The following CNTN5 variants were observed in gnomAD, a reference collection of about 807,000 sequenced individuals.
CNTN5 encodes the protein contactin 5.
A neutral mutation model predicts 129.1 loss-of-function variants in CNTN5; 77 were observed. That is an observed-to-expected ratio of 0.60 (90% CI 0.50 to 0.72). The LOEUF (loss-of-function observed/expected upper bound fraction) is 0.72, where lower values mean the gene tolerates loss of function less well. Ranked by LOEUF, CNTN5 falls within the 30% of genes least tolerant of loss-of-function variation. The probability of loss-of-function intolerance (pLI) is 0.00; values close to 1 mark genes in which losing one functional copy is unlikely to be tolerated. For missense variants in CNTN5, 1,478 were observed against 1,328.8 expected, an observed-to-expected ratio of 1.11 and a Z score of -1.75; for synonymous variants, 509 against 465.6, an observed-to-expected ratio of 1.09 and a Z score of -1.20.
chr11:99,504,860 C>A (rs1316948824), intron 2 of CNTN5, among the ~76,000 whole-genome samples: 1 of 152,130 alleles, frequency 6.6e-6, no homozygotes, highest in African/African-American at 2.4e-5. Flanking sequence ...CCTTAACAGA[C>A]CACAACTTCT....
intron 1 of CNTN5, among the ~76,000 whole-genome samples, chr11:99,085,116 C>T (rs1865951707): frequency 6.6e-6 from 1 of 151,744 alleles, no homozygotes; most frequent in Non-Finnish European, 1.5e-5. Context: ...ATAATCTCTG[C>T]TCACTGCAAC....
At chr11:99,787,088 ATG>A (rs150175544) in intron 3 of CNTN5, among the ~76,000 whole-genome samples, 1,632 of 40,176 alleles carry the variant, frequency 0.041, 57 homozygotes, top group East Asian at 0.22. Flanking sequence ...CTGAAACTAC[ATG>A]TTTTTTTTTT....
At chr11:99,088,277 A>G (rs1195044711) in intron 1 of CNTN5, among the ~76,000 whole-genome samples, 1 of 152,152 alleles carries the variant, frequency 6.6e-6, no homozygotes, top group Non-Finnish European at 1.5e-5. Flanking sequence ...AGTGCTGATA[A>G]TGGGGTCTTT....
At chr11:99,842,904 A>G (rs1947559406) in intron 4 of CNTN5, among the ~76,000 whole-genome samples, 1 of 152,146 alleles carries the variant, frequency 6.6e-6, no homozygotes, top group Non-Finnish European at 1.5e-5. Context: ...TATTCTGGTT[A>G]TTTTGGTGTA....
intron 21 of CNTN5, among the ~76,000 whole-genome samples, chr11:100,333,614 A>G (rs1310165406): frequency 6.6e-6 from 1 of 152,114 alleles, no homozygotes; most frequent in East Asian, 1.9e-4. Flanking sequence ...CAGAATAGAG[A>G]ACCCAGAAAT....
chr11:99,987,553 A>T (rs947400545), intron 8 of CNTN5, among the ~76,000 whole-genome samples: 1 of 151,058 alleles, frequency 6.6e-6, no homozygotes, highest in Admixed American at 6.6e-5. Flanking sequence ...ACACATACAC[A>T]CACACACATA....
rs529896625 is a variant in CNTN5 at position 99,708,449 on chromosome 11, G to A, written c.56-111095G>A. Among the ~76,000 whole-genome samples the A allele has an allele frequency of 1.7e-3, 251 of 151,822 alleles. 1 individual carries two copies. The highest frequency in any genetic ancestry group is 5.7e-3 in the African/African-American group (235 of 41,482). ...CAGTCAATCAGTCAACATGAAACTG[G>A]AAGATTCAAAGACCAAAGTAAATAA... On this transcript the variant is annotated intron_variant, in intron 3 of 24. Transcript: ENST00000524871.
At chr11:99,069,409 C>G (rs1028836612) in intron 1 of CNTN5, among the ~76,000 whole-genome samples, 2 of 151,814 alleles carry the variant, frequency 1.3e-5, no homozygotes, top group Non-Finnish European at 2.9e-5. Flanking sequence ...AAAAATATAC[C>G]CTGCTTCAAT....
chr11:99,440,389 A>G (rs1252701230), intron 2 of CNTN5, among the ~76,000 whole-genome samples: 3 of 148,134 alleles, frequency 2.0e-5, no homozygotes, highest in Admixed American at 1.3e-4. Context: ...TGTTTATTTG[A>G]TTTGACCTCC....
chr11:99,893,440 AG>A (rs1379172181), intron 6 of CNTN5, among the ~76,000 whole-genome samples: 4 of 152,162 alleles, frequency 2.6e-5, no homozygotes, highest in African/African-American at 9.7e-5. Flanking sequence ...TAGAAAAAAA[AG>A]TTTGCGTTCA....
chr11:99,972,084 T>TAA (rs1491480540), intron 8 of CNTN5, among the ~76,000 whole-genome samples: 1 of 37,770 alleles, frequency 2.6e-5, no homozygotes, highest in African/African-American at 1.4e-4. Flanking sequence ...CTTATCTCTA[T>TAA]TAAAAAAAAA....
intron 2 of CNTN5, among the ~76,000 whole-genome samples, chr11:99,413,474 C>A (rs1192243083): frequency 6.6e-6 from 1 of 151,930 alleles, no homozygotes; most frequent in African/African-American, 2.4e-5. Flanking sequence ...CAAAAATTAG[C>A]CAGGTGTGGT....
chr11:99,311,597 C>G (rs1239219556), intron 1 of CNTN5, among the ~76,000 whole-genome samples: 1 of 152,118 alleles, frequency 6.6e-6, no homozygotes, highest in Non-Finnish European at 1.5e-5. Flanking sequence ...TGTTATTAAA[C>G]CAAATGCTCT....
intron 1 of CNTN5, among the ~76,000 whole-genome samples, chr11:99,113,341 T>C (rs1020640155): frequency 2.0e-5 from 3 of 152,228 alleles, no homozygotes; most frequent in South Asian, 2.1e-4. Context: ...ATATGAGTTG[T>C]CTTGAAAGCA....
intron 3 of CNTN5, among the ~76,000 whole-genome samples, chr11:99,720,662 G>A (rs992452095): frequency 3.9e-5 from 6 of 151,976 alleles, no homozygotes; most frequent in African/African-American, 1.4e-4. Context: ...GATCAATCAG[G>A]CAAGACAAAT....
At chr11:99,798,049 T>C (rs113433103) in intron 3 of CNTN5, among the ~76,000 whole-genome samples, 7 of 152,116 alleles carry the variant, frequency 4.6e-5, no homozygotes, top group Non-Finnish European at 1.0e-4. Context: ...CAAATGATTT[T>C]GTCACTCATG....
At chr11:99,339,633 T>A (rs1363544918) in intron 2 of CNTN5, among the ~76,000 whole-genome samples, 1 of 151,936 alleles carries the variant, frequency 6.6e-6, no homozygotes, top group East Asian at 1.9e-4. Context: ...TACAAAAAAA[T>A]TAGCCGGGTG....
chr11:100,034,991 T>C (rs540177363), intron 9 of CNTN5, among the ~76,000 whole-genome samples: 6 of 152,240 alleles, frequency 3.9e-5, no homozygotes, highest in Admixed American at 3.3e-4. Flanking sequence ...ATTATTATAC[T>C]TTAAGTTTTA....
chr11:99,445,707 C>A lies in CNTN5; in HGVS notation c.-70-110438C>A, dbSNP rs201732714. Among the ~76,000 whole-genome samples, 4 of 152,308 alleles carry A rather than the reference C, an allele frequency of 2.6e-5. No individual in the cohort carries two copies. The East Asian group carries it at 5.8e-4, about 22-fold the overall frequency. ...TGGACAGCGTCCTCTATCTTCCATTCACTCAACCATTTTCTTTTTTATATT... is the reference window on the plus strand; with the variant it reads ...TGGACAGCGTCCTCTATCTTCCATTAACTCAACCATTTTCTTTTTTATATT... On this transcript the variant is annotated intron_variant, in intron 2 of 24. Transcript: ENST00000524871.
Sources: allele counts gnomAD v4.1 joint callset (sites outside exome capture counted in the v4.1 genomes callset), GRCh38; gene constraint gnomAD v4.1.1; transcripts MANE v1.5; gene names NCBI Gene and HGNC (gene_info 2026-07-23, HGNC 2026-07-21).